PSAP: variants seen among roughly 807,000 people sequenced by gnomAD.
PSAP encodes the protein prosaposin.
PSAP carries 25 observed loss-of-function variants against 66.0 expected under a neutral mutation model. The ratio of observed to expected loss-of-function variants is 0.38; its 90% confidence interval spans 0.28 to 0.53. The LOEUF is 0.53. PSAP is among the 20% of genes least tolerant of loss of function. The pLI is 0.83. For synonymous variants in PSAP, 273 were observed against 258.9 expected, an observed-to-expected ratio of 1.05 and a Z score of -0.52; for missense variants, 649 against 668.8, an observed-to-expected ratio of 0.97 and a Z score of 0.33.
At chr10:71,845,686 T>C (rs1282979869) in intron 1 of PSAP, among the ~76,000 whole-genome samples, 5 of 152,112 alleles carry the variant, frequency 3.3e-5, no homozygotes, top group Non-Finnish European at 5.9e-5. Flanking sequence ...CATTTACGAA[T>C]GGGGAAACCG....
intron 11 of PSAP, 174 bp from the exon 12 acceptor site, chr10:71,819,285 C>T: frequency 1.9e-6 from 2 of 1,062,498 alleles, no homozygotes; most frequent in Non-Finnish European, 2.8e-6. Context: ...GGCCTCTCTA[C>T]TTCAGGTTGC....
chr10:71,847,661 A>AG (rs1842846865), intron 1 of PSAP, among the ~76,000 whole-genome samples: 1 of 151,798 alleles, frequency 6.6e-6, no homozygotes, highest in African/African-American at 2.4e-5. Context: ...AAAAAAAAAA[A>AG]GAAACAAAAC....
At chr10:71,849,894 A>G (rs957656824) in intron 1 of PSAP, among the ~76,000 whole-genome samples, 1 of 152,146 alleles carries the variant, frequency 6.6e-6, no homozygotes, top group Non-Finnish European at 1.5e-5. Context: ...AATACCTATG[A>G]GAATTAAGCT....
At chr10:71,839,744 CT>C (rs1231781538) in intron 1 of PSAP, among the ~76,000 whole-genome samples, 2 of 152,014 alleles carry the variant, frequency 1.3e-5, no homozygotes, top group African/African-American at 4.8e-5. Context: ...ATCCCAGCTA[CT>C]CAGGAGGCTG....
At chr10:71,824,030 C>T (rs548769571) in intron 7 of PSAP, 1 of 603,976 alleles carries the variant, frequency 1.7e-6, no homozygotes, top group African/African-American at 1.9e-5. Context: ...AGGGGAAATG[C>T]TCTTGCAATC....
At chr10:71,832,800 G>A (rs576517526) in intron 2 of PSAP, among the ~76,000 whole-genome samples, 12 of 151,802 alleles carry the variant, frequency 7.9e-5, no homozygotes, top group East Asian at 5.8e-4. Flanking sequence ...GGCAGATCAC[G>A]AGGTCAGGAG....
rs777601915 is a variant in PSAP at position 71,831,115 on chromosome 10, C to T, written c.375+11G>A. 3 of 1,613,890 alleles carry T rather than the reference C, an allele frequency of 1.9e-6. No homozygotes were observed. Among genetic ancestry groups the T allele is most frequent in the Non-Finnish European group, 2.5e-6 (3 of 1,179,884 alleles). ...GCACCTTCAAGGAAAAGCCTATTCC[C>T]CATCACTTACCATTTCTCCTTTAAT... On this transcript the variant is annotated intron_variant, in intron 4 of 13. Transcript: ENST00000394936.
At chr10:71,823,855 AC>A (rs1022265121) in intron 7 of PSAP, 19 of 1,286,158 alleles carry the variant, frequency 1.5e-5, no homozygotes, top group Admixed American at 2.3e-5. Flanking sequence ...GAAGCAGCAG[AC>A]CACTACTGCA....
intron 2 of PSAP, 90 bp downstream of exon 2, chr10:71,834,282 G>A: frequency 6.3e-7 from 1 of 1,592,922 alleles, no homozygotes; most frequent in Non-Finnish European, 8.5e-7. Context: ...GCAAGAAAAA[G>A]TGCTCTGTCA....
At chr10:71,822,155 C>T in intron 7 of PSAP, 148 bp from the exon 8 acceptor site, 1 of 1,056,930 alleles carries the variant, frequency 9.5e-7, no homozygotes. Flanking sequence ...GGGGCAGATT[C>T]CAGTTTCCAT....
At chr10:71,829,855 G>C (rs544665399) in intron 4 of PSAP, among the ~76,000 whole-genome samples, 1 of 152,024 alleles carries the variant, frequency 6.6e-6, no homozygotes, top group Non-Finnish European at 1.5e-5. Flanking sequence ...AAAATTAGCC[G>C]GGCATGATGG....
At chr10:71,832,920 G>A (rs1180647549) in intron 2 of PSAP, among the ~76,000 whole-genome samples, 1 of 151,206 alleles carries the variant, frequency 6.6e-6, no homozygotes, top group Non-Finnish European at 1.5e-5. Context: ...GGCAGGCTGA[G>A]GCAGAAGAAT....
rs1292251910 is a variant in PSAP, at chr10:71,816,380, A to G, written c.*1061T>C. ...ACGAAGTCCATTTAATAGCAACTTC[A>G]TGTCCTGCTGGCTTTGCTTGCTGTC... On this transcript the variant is annotated 3_prime_UTR_variant, in exon 14 of 14. Transcript: ENST00000394936. The G allele has an allele frequency of 2.1e-6, 1 of 470,860 alleles. No homozygotes were observed. The highest frequency in any genetic ancestry group is 6.9e-5 in the East Asian group (1 of 14,392). The allele number at this position is 470,860 out of a possible 1,614,324, so 29.2% of individuals were successfully genotyped here.
Position 71,817,330 on chromosome 10 carries a change from G to T in PSAP, c.*111C>A. On this transcript the variant is annotated 3_prime_UTR_variant, in exon 14 of 14. Transcript: ENST00000394936. ...GGACACAGAAATGGGGGAGGTGGGG[G>T]AGCCCTATTTTTATAACAAAGTCAA... 1 of 1,178,010 alleles carries T rather than the reference G, an allele frequency of 8.5e-7. No individual in the cohort carries two copies. The highest frequency in any genetic ancestry group is 2.3e-5 in the East Asian group (1 of 42,902). The allele number at this position is 1,178,010 out of a possible 1,614,324, so 73.0% of individuals were successfully genotyped here. A position where few individuals can be genotyped will look rare whatever the true frequency, so the allele number is the denominator to read the frequency against.
chr10:71,851,163 T>C lies in PSAP; in HGVS notation c.40+19A>G, dbSNP rs771708911. The C allele has an allele frequency of 6.4e-7, 1 of 1,550,700 alleles. No homozygotes were observed. Among genetic ancestry groups the C allele is most frequent in the South Asian group, 1.2e-5 (1 of 84,046 alleles). Reference sequence around the variant, plus strand: ...GCTGCGAGGCACCTCCTCCCCAGGATGAGGGTCCCAGGGCTTACCCGCGCC... The same window carrying C: ...GCTGCGAGGCACCTCCTCCCCAGGACGAGGGTCCCAGGGCTTACCCGCGCC... On this transcript the variant is annotated intron_variant, in intron 1 of 13. Transcript: ENST00000394936.
chr10:71,833,027 AAAAAC>A (rs1375835376), intron 2 of PSAP, among the ~76,000 whole-genome samples: 9 of 134,058 alleles, frequency 6.7e-5, no homozygotes, highest in African/African-American at 2.5e-4. Flanking sequence ...AAAAAAAAAA[AAAAAC>A]AAAAAACAAA....
chr10:71,825,404 C>T (rs1325819056), intron 7 of PSAP, among the ~76,000 whole-genome samples: 1 of 152,246 alleles, frequency 6.6e-6, no homozygotes, highest in Non-Finnish European at 1.5e-5. Context: ...GTTACCAGCT[C>T]AAGCAGCAGC....
intron 1 of PSAP, among the ~76,000 whole-genome samples, chr10:71,837,379 C>T (rs541413124): frequency 6.6e-6 from 1 of 152,372 alleles, no homozygotes; most frequent in East Asian, 1.9e-4. Context: ...CAGAGCAGAT[C>T]TCCTAAGAGG....
intron 1 of PSAP, among the ~76,000 whole-genome samples, chr10:71,849,986 G>C (rs1842897287): frequency 6.6e-6 from 1 of 151,882 alleles, no homozygotes; most frequent in Non-Finnish European, 1.5e-5. Flanking sequence ...TCATCAGATG[G>C]GTTTTATTTG....
Sources: gnomAD v4.1 joint callset for allele counts (sites outside exome capture counted in the v4.1 genomes callset) on GRCh38, gnomAD v4.1.1 for gene constraint, MANE v1.5 for transcripts, NCBI Gene and HGNC (gene_info 2026-07-23, HGNC 2026-07-21) for gene names.